The following ZBTB20 variants were observed in gnomAD, a reference collection of about 807,000 sequenced individuals.
ZBTB20 encodes zinc finger and BTB domain containing 20.
A neutral mutation model predicts 56.9 loss-of-function variants in ZBTB20; 9 were observed. The observed-to-expected ratio is 0.16, with a 90% CI of 0.10 to 0.28. The LOEUF (loss-of-function observed/expected upper bound fraction) is 0.28. ZBTB20 is among the 10% of genes least tolerant of loss of function. ZBTB20 has a pLI of 1.00. For missense variants in ZBTB20, 655 were observed against 1,003.0 expected (o/e 0.65, Z 4.69); for synonymous variants, 417 against 420.7 (o/e 0.99, Z 0.11).
chr3:114,398,359 G>C (rs186862586), intron 7 of ZBTB20, among the ~76,000 whole-genome samples: 1 of 152,252 alleles, frequency 6.6e-6, no homozygotes, highest in Admixed American at 6.5e-5. Flanking sequence ...AATATAAACA[G>C]AAATGGATGG....
chr3:115,109,630 A>C (rs1413459078), intron 1 of ZBTB20, among the ~76,000 whole-genome samples: 1 of 152,202 alleles, frequency 6.6e-6, no homozygotes, highest in Admixed American at 6.5e-5. Context: ...TAGAATGTGT[A>C]AGGAATAGAA....
chr3:114,763,579 A>G (rs1416641592), intron 5 of ZBTB20, among the ~76,000 whole-genome samples: 2 of 152,158 alleles, frequency 1.3e-5, no homozygotes, highest in Admixed American at 6.6e-5. Flanking sequence ...ACAACCTTAA[A>G]TAGCATATAT....
chr3:114,917,402 G>T (rs2075787257), intron 3 of ZBTB20, among the ~76,000 whole-genome samples: 1 of 152,122 alleles, frequency 6.6e-6, no homozygotes, highest in South Asian at 2.1e-4. Context: ...TGTCTTCCTG[G>T]ATGGTCTTGA....
At chr3:114,423,937 G>T (rs2089419757) in intron 7 of ZBTB20, among the ~76,000 whole-genome samples, 1 of 152,182 alleles carries the variant, frequency 6.6e-6, no homozygotes. Context: ...GTTGACTACG[G>T]TCATAGGGAA....
At chr3:115,025,993 G>A (rs2080407506) in intron 2 of ZBTB20, among the ~76,000 whole-genome samples, 1 of 150,740 alleles carries the variant, frequency 6.6e-6, no homozygotes. Context: ...CATAATTTAG[G>A]TGGCTGATTG....
At chr3:114,983,840 CTT>C (rs2078428414) in intron 2 of ZBTB20, among the ~76,000 whole-genome samples, 3 of 151,938 alleles carry the variant, frequency 2.0e-5, no homozygotes, top group African/African-American at 4.8e-5. Context: ...TTATAGACCT[CTT>C]GTTATTTTCT....
intron 3 of ZBTB20, among the ~76,000 whole-genome samples, chr3:114,953,322 GAAACA>G (rs1378242262): frequency 6.6e-6 from 1 of 151,204 alleles, no homozygotes; most frequent in African/African-American, 2.4e-5. Context: ...GAAAACAGAA[GAAACA>G]AACAGAAAAC....
chr3:114,502,510 C>T (rs1274543917), intron 6 of ZBTB20, among the ~76,000 whole-genome samples: 3 of 152,066 alleles, frequency 2.0e-5, no homozygotes, highest in Non-Finnish European at 2.9e-5. Flanking sequence ...ACAAGAGAGG[C>T]TGGAGATCTC....
intron 6 of ZBTB20, among the ~76,000 whole-genome samples, chr3:114,600,980 G>T (rs1422089602): frequency 6.6e-6 from 1 of 150,830 alleles, no homozygotes; most frequent in Non-Finnish European, 1.5e-5. Context: ...TTTTCTCTAG[G>T]GACATCCTTT....
intron 7 of ZBTB20, among the ~76,000 whole-genome samples, chr3:114,409,610 T>C (rs997842017): frequency 2.6e-5 from 4 of 152,078 alleles, no homozygotes; most frequent in Non-Finnish European, 4.4e-5. Flanking sequence ...ATTTTAGGCT[T>C]GAACCAGCTA....
intron 5 of ZBTB20, among the ~76,000 whole-genome samples, chr3:114,736,218 T>C (rs182269621): frequency 1.2e-4 from 18 of 152,308 alleles, no homozygotes; most frequent in Non-Finnish European, 1.6e-4. Context: ...TCTATTGTCA[T>C]GAATTTCTAG....
At chr3:114,787,172 C>A (rs1164134496) in intron 5 of ZBTB20, among the ~76,000 whole-genome samples, 2 of 151,204 alleles carry the variant, frequency 1.3e-5, no homozygotes, top group South Asian at 2.1e-4. Context: ...GAGACAGGGT[C>A]TCCCTGTGTT....
chr3:114,706,369 G>A (rs868719752), intron 5 of ZBTB20, among the ~76,000 whole-genome samples: 1 of 152,110 alleles, frequency 6.6e-6, no homozygotes, highest in Non-Finnish European at 1.5e-5. Context: ...TAAATCTGCT[G>A]GGAGTAACAG....
intron 3 of ZBTB20, among the ~76,000 whole-genome samples, chr3:114,929,779 G>T (rs1312434164): frequency 1.3e-5 from 2 of 152,126 alleles, no homozygotes; most frequent in Non-Finnish European, 1.5e-5. Context: ...GTTTTGAAAA[G>T]GCAATATAAG....
In ZBTB20 at chr3:114,337,577, A is replaced by G. The variant is rs917763397; in HGVS notation, c.*1428T>C. The G allele has an allele frequency of 6.6e-6, 1 of 152,252 alleles. No homozygotes were observed. Among genetic ancestry groups the G allele is most frequent in the African/African-American group, 2.4e-5 (1 of 41,468 alleles). The allele number at this position is 152,252 out of a possible 1,614,324, so 9.4% of individuals were successfully genotyped here. On this transcript the variant is annotated 3_prime_UTR_variant, in exon 12 of 12. Transcript: ENST00000675478. ...CAGTGGGGCAACTTAAGCTTGCTAA[A>G]GTCAAAGAACTACATATCAAAATAC... is the stretch of plus-strand genomic sequence containing the variant.
chr3:114,354,577 T>C lies in ZBTB20; in HGVS notation c.200-2699A>G, dbSNP rs540105906. Among the ~76,000 whole-genome samples the C allele has an allele frequency of 4.0e-3, 448 of 112,052 alleles. 1 individual carries two copies. Among genetic ancestry groups the C allele is most frequent in the Non-Finnish European group, 6.1e-3 (357 of 58,158 alleles). The allele number at this position is 112,052 out of a possible 152,430, so 73.5% of individuals were successfully genotyped here. On this transcript the variant is annotated intron_variant, in intron 10 of 11. Coordinates refer to ENST00000675478, the MANE Select transcript of ZBTB20 (RefSeq NM_001348800.3). ...GTTCTGAACAGGTTTTTTTTTGTTT[T>C]GTTTTGTTTGTTTTTTTTTTTTTTG...
chr3:114,870,915 A>G (rs1379926312), intron 4 of ZBTB20, among the ~76,000 whole-genome samples: 3 of 151,782 alleles, frequency 2.0e-5, no homozygotes, highest in African/African-American at 7.3e-5. Context: ...CCTTTTACCC[A>G]AGTGAAATTT....
chr3:114,865,625 T>C (rs1286814931), intron 4 of ZBTB20, among the ~76,000 whole-genome samples: 2 of 152,184 alleles, frequency 1.3e-5, no homozygotes, highest in South Asian at 4.1e-4. Context: ...CAAAAAAGTT[T>C]CTGAAGAAAT....
chr3:115,076,168 T>C (rs1162003380), intron 1 of ZBTB20, among the ~76,000 whole-genome samples: 1 of 152,202 alleles, frequency 6.6e-6, no homozygotes, highest in African/African-American at 2.4e-5. Flanking sequence ...ATTGTTAAAA[T>C]GTCCATACCC....
Sources: gnomAD v4.1 joint callset for allele counts (sites outside exome capture counted in the v4.1 genomes callset) on GRCh38, gnomAD v4.1.1 for gene constraint, MANE v1.5 for transcripts, NCBI Gene and HGNC (gene_info 2026-07-23, HGNC 2026-07-21) for gene names.